Variants in KIAA0586 observed in about 807,000 individuals in gnomAD.
The protein encoded by KIAA0586 is protein TALPID3.
A neutral mutation model predicts 169.8 loss-of-function variants in KIAA0586; 144 were observed. The observed-to-expected ratio is 0.85, with a 90% CI of 0.74 to 0.97. The LOEUF (loss-of-function observed/expected upper bound fraction) is 0.97. Ranked by LOEUF, KIAA0586 falls within the 50% of genes least tolerant of loss-of-function variation. KIAA0586 has a pLI of 0.00. For missense variants in KIAA0586, 1,854 were observed against 1,823.0 expected, an observed-to-expected ratio of 1.02 and a Z score of -0.31; for synonymous variants, 625 against 612.4, an observed-to-expected ratio of 1.02 and a Z score of -0.30.
chr14:58,557,121 A>T, the KIAA0586 span, among the ~76,000 whole-genome samples: 1 of 152,174 alleles, frequency 6.6e-6, no homozygotes, highest in East Asian at 1.9e-4. Flanking sequence ...TCTACTGTTG[A>T]TGGACATTTG....
At position 58,456,754 on chromosome 14, in the gene KIAA0586, G is replaced by C. The variant is rs758510516; in HGVS notation, c.1306G>C (p.Asp436His). ...ETTKVTMQKS[D>H]DVLHDLGQKE... ...AACTAAAGTGACTATGCAGAAGTCTGATGATGTTCTTCATGACCTTGGCCA... is the reference window on the plus strand; with the variant it reads ...AACTAAAGTGACTATGCAGAAGTCTCATGATGTTCTTCATGACCTTGGCCA... Residue 436 changes from aspartate to histidine, a missense_variant, in exon 10 of 31, where the codon GAT (aspartate) becomes CAT (histidine). Transcript: ENST00000652326. 5 of 1,606,288 alleles carry C rather than the reference G, an allele frequency of 3.1e-6. No homozygotes were observed. The South Asian group carries it at 5.6e-5, about 18-fold the overall frequency.
At chr14:58,439,363 T>C (rs1362346658) in intron 4 of KIAA0586, among the ~76,000 whole-genome samples, 2 of 152,018 alleles carry the variant, frequency 1.3e-5, no homozygotes, top group Admixed American at 1.3e-4. Context: ...CTTTTTTGTA[T>C]TTTTTAGTAG....
At chr14:58,508,506 ATAAAT>A in intron 27 of KIAA0586, 44 bp from the exon 28 acceptor site, 1 of 1,404,570 alleles carries the variant, frequency 7.1e-7, no homozygotes, top group South Asian at 1.3e-5. Context: ...ATTTTTGAAG[ATAAAT>A]TTAACACTTT....
chr14:58,431,896 G>A (rs543186132), intron 3 of KIAA0586, among the ~76,000 whole-genome samples: 1 of 152,188 alleles, frequency 6.6e-6, no homozygotes, highest in East Asian at 1.9e-4. Context: ...GTATAGAAAC[G>A]CTACTGATTT....
rs879351650 is a variant in KIAA0586 at position 58,427,749 on chromosome 14, G to A, written c.-516G>A. The A allele has an allele frequency of 1.3e-6, 2 of 1,532,766 alleles. No individual in the cohort carries two copies. Among genetic ancestry groups the A allele is most frequent in the Admixed American group, 2.0e-5 (1 of 50,808 alleles). The allele number at this position is 1,532,766 out of a possible 1,614,324, so 94.9% of individuals were successfully genotyped here. A position where few individuals can be genotyped will look rare whatever the true frequency, so the allele number is the denominator to read the frequency against. ...TGTCAGATTACACCCACGACGGTGC[G>A]GGTCTCGGGCGTTCTGGAGATACGT... On this transcript the variant is annotated 5_prime_UTR_variant, in exon 1 of 31. Coordinates refer to ENST00000652326, the MANE Select transcript of KIAA0586 (RefSeq NM_001329943.3).
intron 7 of KIAA0586, 67 bp from the exon 8 acceptor site, chr14:58,450,512 G>A: frequency 1.2e-6 from 1 of 856,808 alleles, no homozygotes; most frequent in East Asian, 2.6e-5. Flanking sequence ...ATAGGCAAGA[G>A]TAATATGCTA....
chr14:58,540,091 C>G lies in KIAA0586; in HGVS notation c.4450C>G (p.Arg1484Gly). 6.4e-7 allele frequency: 1 copy of G among 1,559,604 alleles called. No homozygotes were observed. Among genetic ancestry groups the G allele is most frequent in the Non-Finnish European group, 8.7e-7 (1 of 1,148,024 alleles). ...TGTAGTTTCACCAGGTGATATGGAT[C>G]GGACACAAATTGAGCTTAATCCGTA... ...QQQVSPGDMD[R>G]TQIELNPYLT... Residue 1484 changes from arginine to glycine, a missense_variant, in exon 30 of 31, where the codon CGG becomes GGG. Arg to Gly is a moderately radical substitution (Grantham distance 125). Coordinates refer to ENST00000652326, the MANE Select transcript of KIAA0586 (RefSeq NM_001329943.3).
chr14:58,443,102 A>G (rs1595111421), intron 5 of KIAA0586, among the ~76,000 whole-genome samples: 3 of 152,350 alleles, frequency 2.0e-5, no homozygotes, highest in East Asian at 1.9e-4. Flanking sequence ...GAACTTTCCC[A>G]GTTTTAGCAC....
intron 9 of KIAA0586, 34 bp downstream of exon 9, chr14:58,453,507 GA>G: frequency 7.0e-7 from 1 of 1,423,828 alleles, no homozygotes; most frequent in Non-Finnish European, 9.3e-7. Context: ...AAACTAGATT[GA>G]AAAGAGTTTT....
chr14:58,492,320 C>G, intron 26 of KIAA0586, 45 bp downstream of exon 26: 2 of 1,485,400 alleles, frequency 1.3e-6, no homozygotes, highest in Non-Finnish European at 1.8e-6. Context: ...GATCTAAATA[C>G]AGGAAAAAAT....
chr14:58,487,611 A>C (rs1213561287), intron 22 of KIAA0586, among the ~76,000 whole-genome samples: 1 of 152,128 alleles, frequency 6.6e-6, no homozygotes, highest in Admixed American at 6.5e-5. Context: ...GTCTCACAAA[A>C]AAAAAAAAAG....
chr14:58,524,015 A>G (rs1183764325), intron 29 of KIAA0586, among the ~76,000 whole-genome samples: 2 of 152,208 alleles, frequency 1.3e-5, no homozygotes, highest in African/African-American at 2.4e-5. Context: ...TATTTCAAGC[A>G]GGTAACAGTG....
intron 20 of KIAA0586, among the ~76,000 whole-genome samples, chr14:58,480,376 C>T (rs1460725155): frequency 3.3e-5 from 5 of 149,752 alleles, no homozygotes; most frequent in Non-Finnish European, 4.4e-5. Flanking sequence ...TTCTTTAAGA[C>T]CTTCATTTTC....
At chr14:58,526,077 A>T (rs371173825) in intron 29 of KIAA0586, among the ~76,000 whole-genome samples, 6 of 152,182 alleles carry the variant, frequency 3.9e-5, no homozygotes, top group African/African-American at 9.7e-5. Flanking sequence ...CTTATAGATA[A>T]AACTCCCATC....
chr14:58,450,638 C>T lies in KIAA0586; in HGVS notation c.1021C>T (p.Pro341Ser). Residue 341 changes from proline (P) to serine (S), a missense_variant, in exon 8 of 31, where the codon CCA becomes TCA. Pro to Ser is a moderately conservative substitution (Grantham distance 74). Coordinates refer to ENST00000652326, the MANE Select transcript of KIAA0586 (RefSeq NM_001329943.3). ...TAAACAGAAATCTCCTTTGGAGACA[C>T]CAGCACCTCGCAGATTTGCTCCTGT... ...FDKQKSPLET[P>S]APRRFAPVPV... 1.2e-6 allele frequency: 2 copies of T among 1,611,376 alleles called. No homozygotes were observed. Among genetic ancestry groups the T allele is most frequent in the Non-Finnish European group, 1.7e-6 (2 of 1,177,584 alleles).
Position 58,549,247 on chromosome 14 carries a change from A to T in KIAA0586, c.*1315A>T, listed in dbSNP as rs143740136. 1.2e-3 allele frequency: 187 copies of T among 152,288 alleles called. No homozygotes were observed. Among genetic ancestry groups the T allele is most frequent in the African/African-American group, 3.8e-3 (156 of 41,562 alleles). 9.4% of individuals were successfully genotyped at this position (152,288 alleles called of 1,614,324 possible). ...TGGATCTCAGCACTGGCAGCACATT[A>T]GAACCTCTGGGAGCTTTAAAAAATA... is the stretch of plus-strand genomic sequence containing the variant. On this transcript the variant is annotated 3_prime_UTR_variant, in exon 31 of 31. Coordinates refer to ENST00000652326, the MANE Select transcript of KIAA0586 (RefSeq NM_001329943.3).
intron 6 of KIAA0586, among the ~76,000 whole-genome samples, chr14:58,445,631 A>G (rs1428234667): frequency 2.0e-5 from 3 of 151,518 alleles, no homozygotes; most frequent in South Asian, 2.1e-4. Flanking sequence ...ACAGGGTTCT[A>G]CCATGTTGGC....
intron 14 of KIAA0586, among the ~76,000 whole-genome samples, chr14:58,461,787 T>C (rs981867725): frequency 6.6e-6 from 1 of 152,230 alleles, no homozygotes; most frequent in African/African-American, 2.4e-5. Context: ...CTTTTGCAGT[T>C]TGGTTTTCAA....
At chr14:58,431,196 A>G (rs2037335915) in intron 3 of KIAA0586, among the ~76,000 whole-genome samples, 1 of 152,204 alleles carries the variant, frequency 6.6e-6, no homozygotes, top group East Asian at 1.9e-4. Context: ...AATCCAGAAT[A>G]AGGTTTGCAA....
Sources: gnomAD v4.1 joint callset for allele counts (sites outside exome capture counted in the v4.1 genomes callset) on GRCh38, gnomAD v4.1.1 for gene constraint, MANE v1.5 for transcripts, NCBI Gene and HGNC (gene_info 2026-07-23, HGNC 2026-07-21) for gene names.